Variants in ROBO1 observed in about 807,000 individuals in gnomAD.
ROBO1 encodes the protein roundabout guidance receptor 1.
Under a neutral mutation model 195.9 loss-of-function variants are expected in ROBO1, and 149 were observed. The ratio of observed to expected loss-of-function variants is 0.76; its 90% CI spans 0.67 to 0.87. The LOEUF (loss-of-function observed/expected upper bound fraction) is 0.87, where lower values mean the gene tolerates loss of function less well. Ranked by LOEUF, ROBO1 falls within the 40% of genes least tolerant of loss-of-function variation. The pLI is 0.00. For synonymous variants in ROBO1, 816 were observed against 733.2 expected (o/e 1.11, Z -1.82); for missense variants, 1,933 against 2,068.3 (o/e 0.93, Z 1.27).
chr3:78,847,946 T>G (rs1185512961), intron 4 of ROBO1, among the ~76,000 whole-genome samples: 1 of 152,160 alleles, frequency 6.6e-6, no homozygotes, highest in Non-Finnish European at 1.5e-5. Flanking sequence ...AAGAGAAATA[T>G]GACAATAGGC....
chr3:79,705,333 T>C (rs1947735355), intron 1 of ROBO1, among the ~76,000 whole-genome samples: 2 of 143,080 alleles, frequency 1.4e-5, no homozygotes, highest in Admixed American at 1.5e-4. Context: ...CACATTTATA[T>C]TGTGATCCAT....
chr3:79,584,625 G>GTGTA (rs1553769163), intron 2 of ROBO1, among the ~76,000 whole-genome samples: 2 of 145,426 alleles, frequency 1.4e-5, no homozygotes, highest in Non-Finnish European at 3.0e-5. Flanking sequence ...GTGTGTGTGT[G>GTGTA]TGTGTGTGTG....
At chr3:79,165,165 A>G (rs2081040072) in intron 2 of ROBO1, among the ~76,000 whole-genome samples, 1 of 152,222 alleles carries the variant, frequency 6.6e-6, no homozygotes, top group Non-Finnish European at 1.5e-5. Context: ...TGCCTGGCAC[A>G]CAGGAAGATG....
intron 2 of ROBO1, among the ~76,000 whole-genome samples, chr3:79,329,466 C>G (rs1324286397): frequency 6.6e-6 from 1 of 152,160 alleles, no homozygotes; most frequent in Non-Finnish European, 1.5e-5. Flanking sequence ...ATGATGCCAT[C>G]ATTTTCAGTT....
At chr3:78,993,198 A>G (rs1330529987) in intron 3 of ROBO1, among the ~76,000 whole-genome samples, 1 of 152,218 alleles carries the variant, frequency 6.6e-6, no homozygotes, top group East Asian at 1.9e-4. Context: ...GGAATCAGAC[A>G]TGTGTGGGTG....
At chr3:79,730,438 T>A (rs1449515635) in intron 1 of ROBO1, among the ~76,000 whole-genome samples, 1 of 152,324 alleles carries the variant, frequency 6.6e-6, no homozygotes, top group Middle Eastern at 3.4e-3. Context: ...TCAAAATTAA[T>A]GTTTACTCAT....
intron 26 of ROBO1, among the ~76,000 whole-genome samples, chr3:78,620,961 GAAAT>G (rs1293539490): frequency 1.3e-5 from 2 of 149,590 alleles, no homozygotes; most frequent in African/African-American, 4.9e-5. Flanking sequence ...AAAAAACTAA[GAAAT>G]AAAAGCTAAT....
chr3:79,555,891 C>T (rs371448476), intron 2 of ROBO1, among the ~76,000 whole-genome samples: 1 of 152,074 alleles, frequency 6.6e-6, no homozygotes, highest in African/African-American at 2.4e-5. Flanking sequence ...TGCATATATC[C>T]TTCAATTTAT....
chr3:79,309,070 A>T (rs1338664234), intron 2 of ROBO1, among the ~76,000 whole-genome samples: 1 of 151,744 alleles, frequency 6.6e-6, no homozygotes, highest in South Asian at 2.1e-4. Flanking sequence ...TGAAGAAAAA[A>T]AAAGCCACTG....
chr3:78,931,498 G>A (rs539999528), intron 4 of ROBO1, among the ~76,000 whole-genome samples: 59 of 151,756 alleles, frequency 3.9e-4, no homozygotes, highest in African/African-American at 8.2e-4. Context: ...TGCCCACCTC[G>A]GCCTCCCAAA....
rs1939062171 is a variant in ROBO1 at position 79,484,755 on chromosome 3, C to CTTTTCTTTTTTT, written c.88+105068_88+105069insAAAAAAAGAAAA. Among the ~76,000 whole-genome samples the CTTTTCTTTTTTT allele has an allele frequency of 1.0e-4, 7 of 66,888 alleles. No homozygotes were observed. The Admixed American group carries it at 1.1e-3, about 10-fold the overall frequency. 43.9% of individuals were successfully genotyped at this position (66,888 alleles called of 152,430 possible). A position where few individuals can be genotyped will look rare whatever the true frequency, so the allele number is the denominator to read the frequency against. On this transcript the variant is annotated intron_variant, in intron 2 of 30. Transcript: ENST00000464233. ...TTATACACCACTATCATTGCACTAT[C>CTTTTCTTTTTTT]TTTTTTTTTTTTTTTTTGAGACAGA...
At chr3:78,939,807 G>A (rs1431550992) in intron 3 of ROBO1, among the ~76,000 whole-genome samples, 1 of 151,290 alleles carries the variant, frequency 6.6e-6, no homozygotes, top group Non-Finnish European at 1.5e-5. Context: ...AGACTTCAGA[G>A]ATGAAATGCT....
intron 5 of ROBO1, among the ~76,000 whole-genome samples, chr3:78,745,747 TA>T (rs1214461140): frequency 6.6e-6 from 1 of 152,158 alleles, no homozygotes; most frequent in African/African-American, 2.4e-5. Flanking sequence ...TACATGAAAA[TA>T]AAATGCTTAA....
chr3:79,567,756 A>G (rs1252365535), intron 2 of ROBO1, among the ~76,000 whole-genome samples: 1 of 152,086 alleles, frequency 6.6e-6, no homozygotes, highest in Non-Finnish European at 1.5e-5. Context: ...GAAAAACTAA[A>G]GTTGTTATTT....
chr3:79,543,462 G>T (rs544233114), intron 2 of ROBO1, among the ~76,000 whole-genome samples: 1 of 152,126 alleles, frequency 6.6e-6, no homozygotes, highest in East Asian at 1.9e-4. Flanking sequence ...TTGGTAAAGA[G>T]ATAGTGCATC....
At chr3:79,038,360 A>T (rs1214923325) in intron 3 of ROBO1, among the ~76,000 whole-genome samples, 1 of 152,190 alleles carries the variant, frequency 6.6e-6, no homozygotes, top group Non-Finnish European at 1.5e-5. Context: ...AGAATGATGA[A>T]CTTTTGTCCA....
intron 26 of ROBO1, among the ~76,000 whole-genome samples, chr3:78,619,026 ACT>A (rs1704293596): frequency 6.6e-6 from 1 of 152,128 alleles, no homozygotes; most frequent in African/African-American, 2.4e-5. Flanking sequence ...TAAGAGAATA[ACT>A]CTTAAATTAA....
chr3:79,250,026 C>T (rs909800532), intron 2 of ROBO1, among the ~76,000 whole-genome samples: 9 of 152,174 alleles, frequency 5.9e-5, no homozygotes, highest in African/African-American at 2.2e-4. Flanking sequence ...GAAGTAATCA[C>T]TAGTTTTTGC....
At chr3:79,000,077 C>G (rs977322464) in intron 3 of ROBO1, among the ~76,000 whole-genome samples, 10 of 152,006 alleles carry the variant, frequency 6.6e-5, no homozygotes, top group African/African-American at 2.4e-4. Context: ...GAAGACCTAC[C>G]TGAGACTGGG....
Sources: allele counts gnomAD v4.1 joint callset (sites outside exome capture counted in the v4.1 genomes callset), GRCh38; gene constraint gnomAD v4.1.1; transcripts MANE v1.5; gene names NCBI Gene and HGNC (gene_info 2026-07-23, HGNC 2026-07-21).